The following TENM3 variants were observed in gnomAD, a reference collection of about 807,000 sequenced individuals.
The protein encoded by TENM3 is teneurin-3.
In TENM3, 63 loss-of-function variants were observed where a neutral mutation model predicts 255.1. The ratio of observed to expected loss-of-function variants is 0.25; its 90% confidence interval spans 0.20 to 0.30. The LOEUF is 0.30. Among genes scored for constraint, TENM3 ranks in the 10% least tolerant of loss-of-function variants. The pLI, the probability that TENM3 is intolerant of heterozygous loss-of-function variation, is 1.00. For synonymous variants in TENM3, 1,306 were observed against 1,322.3 expected (o/e 0.99, Z 0.27); for missense variants, 2,929 against 3,461.1 (o/e 0.85, Z 3.86).
the TENM3 span, among the ~76,000 whole-genome samples, chr4:181,832,232 A>G: frequency 7.6e-4 from 116 of 152,282 alleles, 1 homozygote; most frequent in African/African-American, 2.7e-3. Context: ...AGAGCTGCGT[A>G]CAAGGCAGAT....
chr4:182,309,449 C>T (rs2150408497), intron 1 of TENM3, among the ~76,000 whole-genome samples: 1 of 152,270 alleles, frequency 6.6e-6, no homozygotes, highest in East Asian at 1.9e-4. Flanking sequence ...AGGTCTTCAC[C>T]TAGTTACTAA....
chr4:182,482,175 G>A (rs1734266721), intron 3 of TENM3, among the ~76,000 whole-genome samples: 1 of 152,050 alleles, frequency 6.6e-6, no homozygotes, highest in Admixed American at 6.6e-5. Flanking sequence ...TTTTCATTGA[G>A]ACATGCTGAC....
chr4:182,266,879 C>T (rs185035912), intron 1 of TENM3, among the ~76,000 whole-genome samples: 3 of 152,212 alleles, frequency 2.0e-5, no homozygotes, highest in Admixed American at 1.3e-4. Context: ...TCAATTGTGG[C>T]TTTAATAGTG....
the TENM3 span, among the ~76,000 whole-genome samples, chr4:181,754,284 T>TCTCA: frequency 0.013 from 1,951 of 144,610 alleles, 56 homozygotes; most frequent in African/African-American, 0.047. Context: ...TATATCCCAG[T>TCTCA]CACACACACA....
chr4:182,320,801 A>G (rs544005656), intron 1 of TENM3, among the ~76,000 whole-genome samples: 1 of 152,224 alleles, frequency 6.6e-6, no homozygotes, highest in South Asian at 2.1e-4. Context: ...TTCCAGAAAA[A>G]CTTTACTTAC....
At chr4:182,142,406 C>T (rs932223224), upstream of TENM3, 1 of 166,676 alleles carries the variant, frequency 6.0e-6, no homozygotes, top group African/African-American at 2.4e-5. Context: ...GGCACACCAC[C>T]TCGAGTTTAG....
chr4:182,301,115 A>G (rs756638843), intron 1 of TENM3, among the ~76,000 whole-genome samples: 1 of 152,218 alleles, frequency 6.6e-6, no homozygotes, highest in Non-Finnish European at 1.5e-5. Flanking sequence ...TTAAAAAGGT[A>G]TATACATGTT....
chr4:182,242,060 A>C (rs1305921751), upstream of TENM3, among the ~76,000 whole-genome samples: 1 of 58,364 alleles, frequency 1.7e-5, no homozygotes, highest in South Asian at 3.2e-4. Context: ...TCTAGGGTAC[A>C]TGTGCACAAG....
At chr4:182,524,655 C>T (rs1738958300) in intron 3 of TENM3, among the ~76,000 whole-genome samples, 2 of 151,686 alleles carry the variant, frequency 1.3e-5, no homozygotes, top group Admixed American at 1.3e-4. Flanking sequence ...ACCGTCACAC[C>T]CGACCTGACA....
chr4:182,298,363 A>T (rs1400889258), intron 1 of TENM3, among the ~76,000 whole-genome samples: 1 of 152,212 alleles, frequency 6.6e-6, no homozygotes, highest in Non-Finnish European at 1.5e-5. Flanking sequence ...ATGCCATGGC[A>T]GACACTCCAA....
the TENM3 span, among the ~76,000 whole-genome samples, chr4:182,033,331 CT>C: frequency 2.0e-5 from 3 of 152,096 alleles, no homozygotes; most frequent in Non-Finnish European, 4.4e-5. Flanking sequence ...AAGTTGTTCA[CT>C]TTCCATATAG....
chr4:181,528,109 A>T, the TENM3 span, among the ~76,000 whole-genome samples: 1 of 152,122 alleles, frequency 6.6e-6, no homozygotes, highest in Admixed American at 6.5e-5. Flanking sequence ...AAATGAAATT[A>T]TTTTGTCAAA....
At chr4:182,214,218 A>G (rs1456140760) in intron 1 of TENM3, among the ~76,000 whole-genome samples, 1 of 152,234 alleles carries the variant, frequency 6.6e-6, no homozygotes, top group Non-Finnish European at 1.5e-5. Context: ...ACTTGTTAGA[A>G]AAAGCATCAT....
At chr4:181,647,948 T>C in the TENM3 span, among the ~76,000 whole-genome samples, 2 of 152,054 alleles carry the variant, frequency 1.3e-5, no homozygotes, top group African/African-American at 4.8e-5. Flanking sequence ...GATTCCACAC[T>C]GCTGTGAGTT....
the TENM3 span, among the ~76,000 whole-genome samples, chr4:181,690,240 G>GCACACACA: frequency 3.0e-3 from 453 of 150,556 alleles, 3 homozygotes; most frequent in African/African-American, 0.01. Flanking sequence ...GCGTGAGCGT[G>GCACACACA]CACACACACA....
Position 182,730,888 on chromosome 4 carries a change from G to A in TENM3, c.2716G>A (p.Val906Met), listed in dbSNP as rs150252120. 2.5e-6 allele frequency: 4 copies of A among 1,613,764 alleles called. No homozygotes were observed. Among genetic ancestry groups the A allele is most frequent in the Middle Eastern group, 1.6e-4 (1 of 6,062 alleles). Residue 906 changes from valine (V) to methionine (M), a missense_variant, in exon 16 of 28, where the codon GTG becomes ATG. Coordinates refer to ENST00000511685, the MANE Select transcript of TENM3 (RefSeq NM_001080477.4). ...CTTGTTCTTTCTTAGGTTTGACTTG[G>A]TGGCAAATGGTGGGGCCTCTCTAAC... ...ITRQDGMFDL[V>M]ANGGASLTLV...
chr4:181,578,467 C>T, the TENM3 span, among the ~76,000 whole-genome samples: 2 of 152,160 alleles, frequency 1.3e-5, no homozygotes, highest in South Asian at 4.1e-4. Context: ...TGACGTGAGC[C>T]CATGGTTATC....
chr4:182,751,452 T>C lies in TENM3; in HGVS notation c.3630-348T>C, dbSNP rs1468517656. On this transcript the variant is annotated intron_variant, in intron 19 of 27. Transcript: ENST00000511685. ...CTTTATGTCCCTCATTCAGGGGCAGTTTTTTAATGGCTTTGCATTGAGCAC... is the reference window on the plus strand; with the variant it reads ...CTTTATGTCCCTCATTCAGGGGCAGCTTTTTAATGGCTTTGCATTGAGCAC... 3.3e-5 allele frequency among the ~76,000 whole-genome samples: 5 copies of C among 152,226 alleles called. No individual in the cohort carries two copies. The East Asian group carries it at 9.6e-4, about 29-fold the overall frequency.
chr4:182,411,687 A>G (rs1769994396), intron 3 of TENM3, among the ~76,000 whole-genome samples: 1 of 152,060 alleles, frequency 6.6e-6, no homozygotes, highest in African/African-American at 2.4e-5. Flanking sequence ...CCTTCTCCTA[A>G]ATTCACTCTG....
Sources: allele counts gnomAD v4.1 joint callset (sites outside exome capture counted in the v4.1 genomes callset), GRCh38; gene constraint gnomAD v4.1.1; transcripts MANE v1.5; gene names NCBI Gene and HGNC (gene_info 2026-07-23, HGNC 2026-07-21).